Variants in ARID5B observed in about 807,000 individuals in gnomAD.
The protein encoded by ARID5B is AT-rich interactive domain-containing protein 5B.
A neutral mutation model predicts 97.2 loss-of-function variants in ARID5B; 13 were observed. The ratio of observed to expected loss-of-function variants is 0.13; its 90% CI spans 0.09 to 0.21. The LOEUF is 0.21. Among genes scored for constraint, ARID5B ranks in the 10% least tolerant of loss-of-function variants. The pLI is 1.00. For missense variants in ARID5B, 1,210 were observed against 1,465.3 expected, an observed-to-expected ratio of 0.83 and a Z score of 2.84; for synonymous variants, 556 against 570.3, an observed-to-expected ratio of 0.97 and a Z score of 0.36.
intron 2 of ARID5B, among the ~76,000 whole-genome samples, chr10:61,936,625 A>T (rs1844305441): frequency 6.6e-6 from 1 of 152,222 alleles, no homozygotes; most frequent in Non-Finnish European, 1.5e-5. Flanking sequence ...TCAAATAAAT[A>T]AATTAATTTA....
At chr10:61,969,632 C>T (rs1838596851) in intron 3 of ARID5B, among the ~76,000 whole-genome samples, 1 of 152,142 alleles carries the variant, frequency 6.6e-6, no homozygotes, top group African/African-American at 2.4e-5. Context: ...TTGACATTCT[C>T]TTATACCTGT....
At chr10:62,027,495 A>G (rs1839437852) in intron 4 of ARID5B, among the ~76,000 whole-genome samples, 1 of 150,322 alleles carries the variant, frequency 6.7e-6, no homozygotes, top group Non-Finnish European at 1.5e-5. Flanking sequence ...ATTTTTTTGT[A>G]GTAGAGACGG....
At chr10:62,021,029 AATATAT>A (rs10528323) in intron 4 of ARID5B, among the ~76,000 whole-genome samples, 14,676 of 106,516 alleles carry the variant, frequency 0.14, 1,050 homozygotes, top group Middle Eastern at 0.21. Context: ...TTGTCACATG[AATATAT>A]ATATATATAT....
At chr10:62,045,406 C>T (rs143766918) in intron 4 of ARID5B, among the ~76,000 whole-genome samples, 1 of 151,808 alleles carries the variant, frequency 6.6e-6, no homozygotes, top group Non-Finnish European at 1.5e-5. Context: ...TTACTCCTCC[C>T]CCCCGAAAGA....
intron 8 of ARID5B, among the ~76,000 whole-genome samples, chr10:62,070,039 C>CTT (rs35045421): frequency 4.0e-4 from 59 of 145,896 alleles, no homozygotes; most frequent in East Asian, 1.6e-3. Flanking sequence ...CTGACAATGC[C>CTT]TTTTTTTTTT....
intron 2 of ARID5B, among the ~76,000 whole-genome samples, chr10:61,916,746 G>T (rs1368913834): frequency 2.6e-5 from 4 of 152,124 alleles, no homozygotes; most frequent in Non-Finnish European, 5.9e-5. Flanking sequence ...AGAAAAGGGT[G>T]GTAAAGTTAG....
intron 2 of ARID5B, among the ~76,000 whole-genome samples, chr10:61,920,329 GTT>G (rs11302478): frequency 1.1e-3 from 150 of 134,782 alleles, no homozygotes; most frequent in African/African-American, 2.8e-3. Context: ...ATGAATCTTT[GTT>G]TTTTTTTTTT....
intron 3 of ARID5B, among the ~76,000 whole-genome samples, chr10:61,987,175 C>T (rs1838858620): frequency 6.6e-6 from 1 of 152,114 alleles, no homozygotes; most frequent in Non-Finnish European, 1.5e-5. Flanking sequence ...CTCCCATTGG[C>T]TGAACAAGCA....
intron 2 of ARID5B, among the ~76,000 whole-genome samples, chr10:61,917,255 CA>C (rs1421879965): frequency 2.0e-5 from 3 of 151,828 alleles, no homozygotes; most frequent in African/African-American, 7.3e-5. Flanking sequence ...GAGATATTGA[CA>C]AATCTTTCCA....
At chr10:62,066,936 T>C (rs1462142426) in intron 7 of ARID5B, among the ~76,000 whole-genome samples, 1 of 152,212 alleles carries the variant, frequency 6.6e-6, no homozygotes, top group Admixed American at 6.5e-5. Flanking sequence ...CTGCTTTTCA[T>C]TGTTGCATCC....
chr10:62,011,398 C>A (rs568173308), intron 4 of ARID5B, among the ~76,000 whole-genome samples: 6 of 152,288 alleles, frequency 3.9e-5, no homozygotes, highest in African/African-American at 1.4e-4. Context: ...AAGTACCATG[C>A]TCTAGAGAAT....
At chr10:62,027,133 C>T (rs940282985) in intron 4 of ARID5B, among the ~76,000 whole-genome samples, 8 of 151,894 alleles carry the variant, frequency 5.3e-5, no homozygotes, top group African/African-American at 2.4e-5. Context: ...TTGTTTTCCT[C>T]TCTTTCTTCC....
At chr10:62,075,656 A>G (rs1840121418) in intron 8 of ARID5B, among the ~76,000 whole-genome samples, 3 of 152,164 alleles carry the variant, frequency 2.0e-5, no homozygotes, top group Non-Finnish European at 4.4e-5. Flanking sequence ...TGTTCCATTC[A>G]ACCAAGCCTC....
rs778262915 is a variant in ARID5B, at chr10:62,091,372, G to A, written c.1909G>A (p.Asp637Asn). Reference protein sequence around the residue: ...TVKVDQLGSDDIHNALKQTPK... With the variant: ...TVKVDQLGSDNIHNALKQTPK... ...GAAGGTGGACCAGCTGGGCAGTGACGACATCCACAATGCGCTCAAGCAGAC... is the reference window on the plus strand; with the variant it reads ...GAAGGTGGACCAGCTGGGCAGTGACAACATCCACAATGCGCTCAAGCAGAC... Residue 637 changes from aspartate (D) to asparagine (N), a missense_variant, in exon 10 of 10, where the codon GAC becomes AAC. Coordinates refer to ENST00000279873, the MANE Select transcript of ARID5B (RefSeq NM_032199.3). 2.5e-6 allele frequency: 4 copies of A among 1,614,078 alleles called. No individual in the cohort carries two copies. The highest frequency in any genetic ancestry group is 2.2e-5 in the East Asian group (1 of 44,870).
chr10:62,015,945 G>C (rs557453622), intron 4 of ARID5B, among the ~76,000 whole-genome samples: 13 of 152,286 alleles, frequency 8.5e-5, no homozygotes, highest in Admixed American at 7.2e-4. Flanking sequence ...TTTAAACACT[G>C]TTATTCACTT....
intron 3 of ARID5B, among the ~76,000 whole-genome samples, chr10:61,958,837 T>C (rs1218082031): frequency 2.0e-5 from 3 of 152,228 alleles, no homozygotes; most frequent in African/African-American, 4.8e-5. Context: ...AATATGTATA[T>C]TGTATATTCC....
At chr10:62,044,807 G>A (rs548760225) in intron 4 of ARID5B, among the ~76,000 whole-genome samples, 153 of 152,254 alleles carry the variant, frequency 1.0e-3, no homozygotes, top group African/African-American at 3.6e-3. Flanking sequence ...AGAACGTCGC[G>A]CAGGATCAAG....
intron 3 of ARID5B, among the ~76,000 whole-genome samples, chr10:61,979,399 C>T (rs2132843458): frequency 2.6e-5 from 4 of 152,216 alleles, no homozygotes; most frequent in Middle Eastern, 6.8e-3. Context: ...CCTGGTGAGC[C>T]ATGTAGATCG....
intron 3 of ARID5B, among the ~76,000 whole-genome samples, chr10:61,944,943 G>A (rs1343085470): frequency 1.3e-5 from 2 of 152,192 alleles, no homozygotes; most frequent in Non-Finnish European, 2.9e-5. Flanking sequence ...ATTTAATGAT[G>A]GGGGTTCCCT....
Sources: allele counts gnomAD v4.1 joint callset (sites outside exome capture counted in the v4.1 genomes callset), GRCh38; gene constraint gnomAD v4.1.1; transcripts MANE v1.5; gene names NCBI Gene and HGNC (gene_info 2026-07-23, HGNC 2026-07-21).